ATP8A2: variants seen among roughly 807,000 people sequenced by gnomAD.
ATP8A2 encodes phospholipid-transporting ATPase IB.
Under a neutral mutation model 165.6 loss-of-function variants are expected in ATP8A2, and 100 were observed. That is an observed-to-expected ratio of 0.60 (90% CI 0.51 to 0.71). ATP8A2 has a LOEUF of 0.71. Ranked by LOEUF, ATP8A2 falls within the 30% of genes least tolerant of loss-of-function variation. ATP8A2 has a pLI of 0.00. For missense variants in ATP8A2, 1,227 were observed against 1,479.5 expected (o/e 0.83, Z 2.80); for synonymous variants, 543 against 548.8 (o/e 0.99, Z 0.15).
chr13:25,397,654 G>T (rs2033475160), intron 1 of ATP8A2, among the ~76,000 whole-genome samples: 1 of 152,154 alleles, frequency 6.6e-6, no homozygotes, highest in Admixed American at 6.5e-5. Context: ...TATTTGAAAA[G>T]GTTTATTCTG....
chr13:25,928,429 A>G (rs1185617270), intron 33 of ATP8A2, among the ~76,000 whole-genome samples: 2 of 152,212 alleles, frequency 1.3e-5, no homozygotes, highest in Non-Finnish European at 1.5e-5. Flanking sequence ...ATTGATTTTC[A>G]TCCTCTCTAA....
At chr13:25,687,006 G>A (rs2137836891) in intron 24 of ATP8A2, among the ~76,000 whole-genome samples, 1 of 152,292 alleles carries the variant, frequency 6.6e-6, no homozygotes, top group Admixed American at 6.5e-5. Flanking sequence ...CTTACTGACT[G>A]TATGAATGGC....
In ATP8A2 at chr13:25,993,270, A is replaced by G. The variant is rs137907223; in HGVS notation, c.3378-19261A>G. Among the ~76,000 whole-genome samples, 954 of 152,284 alleles carry G rather than the reference A, an allele frequency of 6.3e-3. 5 individuals are homozygous for G. The highest frequency in any genetic ancestry group is 0.027 in the Middle Eastern group (8 of 294). On this transcript the variant is annotated intron_variant, in intron 35 of 36. Coordinates refer to ENST00000381655, the MANE Select transcript of ATP8A2 (RefSeq NM_016529.6). ...ATCCCTGAGGAATCGCCACACTGCTATGACAAACCCACAGCCAATATCATA... is the reference window on the plus strand; with the variant it reads ...ATCCCTGAGGAATCGCCACACTGCTGTGACAAACCCACAGCCAATATCATA...
In ATP8A2 at chr13:25,381,267, C is replaced by T. The variant is rs867352753; in HGVS notation, c.76+8979C>T. ...CAGCAATGTTTTTCTTCTCAGAGAC[C>T]GGTCATTGATGGGAGTTGAGCACCT... is the stretch of plus-strand genomic sequence containing the variant. On this transcript the variant is annotated intron_variant, in intron 1 of 36. Transcript: ENST00000381655. Among the ~76,000 whole-genome samples the T allele has an allele frequency of 3.3e-5, 5 of 152,076 alleles. No individual in the cohort carries two copies. The South Asian group carries it at 8.3e-4, about 25-fold the overall frequency.
At chr13:25,815,935 G>C (rs550106063) in intron 27 of ATP8A2, among the ~76,000 whole-genome samples, 154 of 152,254 alleles carry the variant, frequency 1.0e-3, no homozygotes, top group Non-Finnish European at 2.0e-3. Flanking sequence ...ACACAGACAA[G>C]GACAAATATT....
At chr13:25,890,710 T>A (rs1276706974) in intron 33 of ATP8A2, among the ~76,000 whole-genome samples, 1 of 152,220 alleles carries the variant, frequency 6.6e-6, no homozygotes, top group Middle Eastern at 3.2e-3. Flanking sequence ...ATTTGGGAAT[T>A]CTTTTTTCTT....
chr13:26,018,390 G>T (rs190763805), intron 36 of ATP8A2, among the ~76,000 whole-genome samples: 24 of 152,308 alleles, frequency 1.6e-4, no homozygotes, highest in East Asian at 1.2e-3. Flanking sequence ...TCCTTTTTAA[G>T]CCAGATGCCT....
intron 29 of ATP8A2, among the ~76,000 whole-genome samples, chr13:25,839,275 A>G (rs1262386709): frequency 1.3e-5 from 2 of 152,162 alleles, no homozygotes; most frequent in African/African-American, 2.4e-5. Flanking sequence ...TCACATGTGG[A>G]TAGATTGTGT....
intron 34 of ATP8A2, among the ~76,000 whole-genome samples, chr13:25,966,838 G>A (rs1257163793): frequency 3.3e-5 from 5 of 152,184 alleles, no homozygotes; most frequent in African/African-American, 4.8e-5. Context: ...CTCCCACTTA[G>A]GAACCCCCTT....
At chr13:25,690,055 G>A (rs539340444) in intron 24 of ATP8A2, among the ~76,000 whole-genome samples, 1 of 151,642 alleles carries the variant, frequency 6.6e-6, no homozygotes, top group African/African-American at 2.4e-5. Flanking sequence ...CTAGTTTGGG[G>A]GAAAAATAAA....
chr13:25,493,547 G>A (rs554786622), intron 2 of ATP8A2, among the ~76,000 whole-genome samples: 1 of 152,126 alleles, frequency 6.6e-6, no homozygotes, highest in African/African-American at 2.4e-5. Flanking sequence ...ACATATGCGG[G>A]AACCGGAAGT....
chr13:25,869,996 C>T (rs186433764), intron 33 of ATP8A2, among the ~76,000 whole-genome samples: 82 of 152,296 alleles, frequency 5.4e-4, no homozygotes, highest in South Asian at 4.8e-3. Flanking sequence ...TCAGATCACA[C>T]GTGGGCTTGG....
In ATP8A2 at chr13:25,538,248, T is replaced by G. The variant is rs376929847; in HGVS notation, c.581+187T>G. Among the ~76,000 whole-genome samples, 5 of 152,250 alleles carry G rather than the reference T, an allele frequency of 3.3e-5. No homozygotes were observed. The East Asian group carries it at 9.6e-4, about 29-fold the overall frequency. ...GGTTTCTTTCTCACATTCATTCCTT[T>G]GTGCTTTTTCTGAACTCTTTTATGT... is the stretch of plus-strand genomic sequence containing the variant. On this transcript the variant is annotated intron_variant, in intron 7 of 36. Coordinates refer to ENST00000381655, the MANE Select transcript of ATP8A2 (RefSeq NM_016529.6).
chr13:25,389,329 G>T (rs1233933571), intron 1 of ATP8A2, among the ~76,000 whole-genome samples: 2 of 152,082 alleles, frequency 1.3e-5, no homozygotes, highest in Non-Finnish European at 2.9e-5. Flanking sequence ...GAAACTCTGG[G>T]CTTAATGAGG....
chr13:25,805,235 G>A (rs1336932486), intron 27 of ATP8A2, among the ~76,000 whole-genome samples: 12 of 152,034 alleles, frequency 7.9e-5, no homozygotes, highest in Admixed American at 2.6e-4. Context: ...GAGGCCAGGT[G>A]TGGTGGCTCA....
At chr13:25,517,885 A>G (rs945960705) in intron 2 of ATP8A2, among the ~76,000 whole-genome samples, 1 of 152,242 alleles carries the variant, frequency 6.6e-6, no homozygotes, top group Non-Finnish European at 1.5e-5. Flanking sequence ...AGGTGCTCAT[A>G]TGTTACCATT....
intron 25 of ATP8A2, among the ~76,000 whole-genome samples, chr13:25,741,780 G>A (rs1292064064): frequency 6.6e-6 from 1 of 152,180 alleles, no homozygotes; most frequent in Non-Finnish European, 1.5e-5. Flanking sequence ...GAATTTGGGG[G>A]AAGGGTGCTG....
intron 32 of ATP8A2, among the ~76,000 whole-genome samples, 165 bp downstream of exon 32, chr13:25,861,025 A>G (rs561052113): frequency 2.0e-5 from 3 of 152,318 alleles, no homozygotes; most frequent in South Asian, 2.1e-4. Context: ...TTGCAATCCA[A>G]AGTCTCTTGG....
chr13:25,908,283 G>T (rs952879280), intron 33 of ATP8A2, among the ~76,000 whole-genome samples: 1 of 152,150 alleles, frequency 6.6e-6, no homozygotes, highest in Non-Finnish European at 1.5e-5. Context: ...GCTCTAGTCC[G>T]AGCACTTTAG....
Sources: allele counts gnomAD v4.1 joint callset (sites outside exome capture counted in the v4.1 genomes callset), GRCh38; gene constraint gnomAD v4.1.1; transcripts MANE v1.5; gene names NCBI Gene and HGNC (gene_info 2026-07-23, HGNC 2026-07-21).